LRMDA: variants seen among roughly 807,000 people sequenced by gnomAD.
LRMDA encodes leucine rich melanocyte differentiation associated.
In LRMDA, 18 loss-of-function variants were observed where a neutral mutation model predicts 29.8. The observed-to-expected ratio is 0.60, with a 90% confidence interval of 0.42 to 0.90. The LOEUF is 0.90. Ranked by LOEUF, LRMDA falls within the 40% of genes least tolerant of loss-of-function variation. The probability of loss-of-function intolerance (pLI) is 0.00; values close to 1 mark genes in which losing one functional copy is unlikely to be tolerated. For synonymous variants in LRMDA, 125 were observed against 109.4 expected, an observed-to-expected ratio of 1.14 and a Z score of -0.89; for missense variants, 273 against 273.9, an observed-to-expected ratio of 1.00 and a Z score of 0.02.
intron 2 of LRMDA, among the ~76,000 whole-genome samples, chr10:75,837,100 A>T (rs1844451740): frequency 6.6e-6 from 1 of 152,228 alleles, no homozygotes; most frequent in Non-Finnish European, 1.5e-5. Flanking sequence ...ATATTGATAT[A>T]GATAGAGATG....
chr10:75,623,043 G>A (rs1841207373), intron 2 of LRMDA, among the ~76,000 whole-genome samples: 1 of 152,122 alleles, frequency 6.6e-6, no homozygotes, highest in African/African-American at 2.4e-5. Flanking sequence ...GGAATCATCT[G>A]TACCATTCTT....
chr10:75,870,389 A>G (rs1845089959), intron 2 of LRMDA, among the ~76,000 whole-genome samples: 1 of 152,038 alleles, frequency 6.6e-6, no homozygotes, highest in South Asian at 2.1e-4. Flanking sequence ...AACATGTGTT[A>G]TGTACGACAT....
chr10:75,575,509 C>T (rs143753442), intron 2 of LRMDA, among the ~76,000 whole-genome samples: 30 of 152,226 alleles, frequency 2.0e-4, no homozygotes, highest in African/African-American at 5.8e-4. Flanking sequence ...AGAAATCTGC[C>T]GAAAGAAAGG....
chr10:76,231,003 T>C (rs2132272324), intron 5 of LRMDA, among the ~76,000 whole-genome samples: 1 of 152,366 alleles, frequency 6.6e-6, no homozygotes, highest in South Asian at 2.1e-4. Context: ...TCATAAACTA[T>C]TAGCTTGTTT....
intron 2 of LRMDA, among the ~76,000 whole-genome samples, chr10:75,890,618 TG>T (rs1400498854): frequency 6.6e-6 from 1 of 152,120 alleles, no homozygotes; most frequent in Non-Finnish European, 1.5e-5. Context: ...TGTATATGTG[TG>T]GGGGTCATGA....
chr10:76,141,542 C>G (rs1589346412), intron 5 of LRMDA, among the ~76,000 whole-genome samples: 2 of 152,044 alleles, frequency 1.3e-5, no homozygotes, highest in Admixed American at 6.6e-5. Context: ...TTAAGTACTC[C>G]CACCTGATGT....
At chr10:76,534,690 A>C (rs973748524) in intron 6 of LRMDA, among the ~76,000 whole-genome samples, 3 of 152,244 alleles carry the variant, frequency 2.0e-5, no homozygotes, top group Non-Finnish European at 4.4e-5. Context: ...TATTCCAAAA[A>C]ATATTATCAT....
At chr10:75,578,698 C>G (rs1406459860) in intron 2 of LRMDA, among the ~76,000 whole-genome samples, 1 of 152,126 alleles carries the variant, frequency 6.6e-6, no homozygotes, top group Non-Finnish European at 1.5e-5. Context: ...AACAGTCTGT[C>G]AGACCACAGT....
intron 5 of LRMDA, among the ~76,000 whole-genome samples, chr10:76,115,116 G>C (rs779867287): frequency 6.6e-6 from 1 of 152,306 alleles, no homozygotes; most frequent in South Asian, 2.1e-4. Context: ...ATCTTTCCTC[G>C]TGTTGGGGCC....
rs144371810 is a variant in LRMDA at position 75,896,589 on chromosome 10, T to C, written c.132-139419T>C. Reference sequence around the variant, plus strand: ...GAGAATGTGTCTGGGTAAGTAGTCATTGCTGCCTCAAAACATAGATTCATG... The same window carrying C: ...GAGAATGTGTCTGGGTAAGTAGTCACTGCTGCCTCAAAACATAGATTCATG... On this transcript the variant is annotated intron_variant, in intron 2 of 6. Coordinates refer to ENST00000611255, the MANE Select transcript of LRMDA (RefSeq NM_001305581.2). 5.5e-3 allele frequency among the ~76,000 whole-genome samples: 844 copies of C among 152,262 alleles called. 9 individuals carry two copies. Among genetic ancestry groups the C allele is most frequent in the African/African-American group, 0.019 (784 of 41,548 alleles).
intron 6 of LRMDA, among the ~76,000 whole-genome samples, chr10:76,462,795 A>G (rs1842526621): frequency 6.6e-6 from 1 of 152,200 alleles, no homozygotes; most frequent in African/African-American, 2.4e-5. Context: ...GGGAAAGCAC[A>G]CAGGGAACAG....
At chr10:75,871,973 T>C (rs1845119113) in intron 2 of LRMDA, among the ~76,000 whole-genome samples, 2 of 152,242 alleles carry the variant, frequency 1.3e-5, no homozygotes, top group Admixed American at 1.3e-4. Flanking sequence ...GAATTGAATG[T>C]ATTCATCTTC....
rs530377733 is a variant in LRMDA, at chr10:75,741,821, C to T, written c.132-294187C>T. On this transcript the variant is annotated intron_variant, in intron 2 of 6. Coordinates refer to ENST00000611255, the MANE Select transcript of LRMDA (RefSeq NM_001305581.2). ...CTATTTGTTTATGTCCCCCAAATTT[C>T]TGTGTTGAACTCCTAAGCCCCAGTG... 2.0e-5 allele frequency among the ~76,000 whole-genome samples: 3 copies of T among 152,232 alleles called. No homozygotes were observed. The East Asian group carries it at 5.8e-4, about 29-fold the overall frequency.
At chr10:75,918,251 A>G (rs1263370484) in intron 2 of LRMDA, among the ~76,000 whole-genome samples, 1 of 152,196 alleles carries the variant, frequency 6.6e-6, no homozygotes, top group Non-Finnish European at 1.5e-5. Context: ...GTATTATGCC[A>G]TTCTTTCATT....
intron 5 of LRMDA, among the ~76,000 whole-genome samples, chr10:76,296,055 T>C (rs993153923): frequency 2.0e-5 from 3 of 152,240 alleles, no homozygotes; most frequent in African/African-American, 4.8e-5. Context: ...ATACATTTTA[T>C]TGATTTACTG....
rs547119102 is a variant in LRMDA, at chr10:76,246,349, C to T, written c.517-78052C>T. Among the ~76,000 whole-genome samples, 24 of 152,320 alleles carry T rather than the reference C, an allele frequency of 1.6e-4. No homozygotes were observed. The East Asian group carries it at 3.7e-3, about 23-fold the overall frequency. On this transcript the variant is annotated intron_variant, in intron 5 of 6. Transcript: ENST00000611255. ...AGAGATCAGGTTTCTAACGCAGGTT[C>T]TTACCACCTCATGGTAGGACCTTGC...
intron 2 of LRMDA, among the ~76,000 whole-genome samples, chr10:75,517,157 T>G (rs568579347): frequency 2.0e-5 from 3 of 152,102 alleles, no homozygotes; most frequent in East Asian, 1.9e-4. Context: ...TTGTTCTTTT[T>G]GCTTAGGATT....
At chr10:75,833,566 C>T (rs1272862463) in intron 2 of LRMDA, among the ~76,000 whole-genome samples, 4 of 152,148 alleles carry the variant, frequency 2.6e-5, no homozygotes, top group Non-Finnish European at 5.9e-5. Flanking sequence ...CACATCAATC[C>T]TACGTGAAGT....
intron 5 of LRMDA, among the ~76,000 whole-genome samples, chr10:76,305,231 T>G (rs758129268): frequency 2.6e-5 from 4 of 152,156 alleles, no homozygotes; most frequent in Admixed American, 1.3e-4. Flanking sequence ...GGATATGGAA[T>G]AAGAGAAAAG....
Sources: gnomAD v4.1 joint callset for allele counts (sites outside exome capture counted in the v4.1 genomes callset) on GRCh38, gnomAD v4.1.1 for gene constraint, MANE v1.5 for transcripts, NCBI Gene and HGNC (gene_info 2026-07-23, HGNC 2026-07-21) for gene names.